Variants in DPP10 observed in about 807,000 individuals in gnomAD.
DPP10 encodes the protein dipeptidyl peptidase like 10.
A neutral mutation model predicts 120.9 loss-of-function variants in DPP10; 33 were observed. The observed-to-expected ratio is 0.27, with a 90% confidence interval of 0.21 to 0.37. The LOEUF (loss-of-function observed/expected upper bound fraction) is 0.37. Among genes scored for constraint, DPP10 ranks in the 10% least tolerant of loss-of-function variants. The pLI is 1.00. For synonymous variants in DPP10, 337 were observed against 326.1 expected (o/e 1.03, Z -0.36); for missense variants, 816 against 942.8 (o/e 0.87, Z 1.76).
In DPP10 at chr2:114,881,594, G is replaced by GTCTATCTA. The variant is rs1275608532; in HGVS notation, c.61-427642_61-427641insATCTATCT. On this transcript the variant is annotated intron_variant, in intron 1 of 25. Coordinates refer to ENST00000410059, the MANE Select transcript of DPP10 (RefSeq NM_020868.6). Reference sequence around the variant, plus strand: ...TATCTATCTATCTGTCTGTCTGTCTGTCTGTCTATCTATCTATCTATCTAT... The same window carrying GTCTATCTA: ...TATCTATCTATCTGTCTGTCTGTCTGTCTATCTATCTGTCTATCTATCTATCTATCTAT... Among the ~76,000 whole-genome samples, 427 of 96,314 alleles carry GTCTATCTA rather than the reference G, an allele frequency of 4.4e-3. 3 individuals carry two copies. The highest frequency in any genetic ancestry group is 4.7e-3 in the African/African-American group (151 of 31,928). 63.2% of individuals were successfully genotyped at this position (96,314 alleles called of 152,430 possible). A position where few individuals can be genotyped will look rare whatever the true frequency, so the allele number is the denominator to read the frequency against.
chr2:114,812,507 G>T (rs1268366942), intron 1 of DPP10, among the ~76,000 whole-genome samples: 1 of 151,606 alleles, frequency 6.6e-6, no homozygotes, highest in African/African-American at 2.4e-5. Context: ...AGGATCACTT[G>T]AGCCTAGGAG....
At chr2:114,880,876 G>T (rs1236253718) in intron 1 of DPP10, among the ~76,000 whole-genome samples, 1 of 152,222 alleles carries the variant, frequency 6.6e-6, no homozygotes, top group Non-Finnish European at 1.5e-5. Flanking sequence ...TATTGAAAAG[G>T]GTATGAAAGT....
intron 19 of DPP10, among the ~76,000 whole-genome samples, chr2:115,793,163 G>A (rs890279390): frequency 6.6e-6 from 1 of 152,126 alleles, no homozygotes. Flanking sequence ...ATTGGCAAGG[G>A]GCACTTGGGG....
intron 3 of DPP10, among the ~76,000 whole-genome samples, chr2:115,369,099 G>A (rs1025654432): frequency 6.6e-5 from 10 of 151,902 alleles, no homozygotes; most frequent in South Asian, 2.1e-4. Context: ...ATTGCATGCC[G>A]GATGCTAATC....
At chr2:115,603,570 G>GTTTTTTTTTTTTTTTTTTTTT (rs61548055) in intron 5 of DPP10, among the ~76,000 whole-genome samples, 1 of 99,286 alleles carries the variant, frequency 1.0e-5, no homozygotes. Context: ...GTTTTTTTTT[G>GTTTTTTTTTTTTTTTTTTTTT]TTTTTTTTTT....
At chr2:115,401,946 G>A (rs1454839950) in intron 3 of DPP10, among the ~76,000 whole-genome samples, 1 of 151,932 alleles carries the variant, frequency 6.6e-6, no homozygotes, top group Non-Finnish European at 1.5e-5. Flanking sequence ...AAATATTGAA[G>A]GAGTGACATC....
At chr2:114,541,570 A>T (rs187575121) in intron 1 of DPP10, among the ~76,000 whole-genome samples, 17 of 152,330 alleles carry the variant, frequency 1.1e-4, no homozygotes, top group Non-Finnish European at 2.1e-4. Flanking sequence ...TAATTGCAGA[A>T]GGCTAAGCTT....
intron 1 of DPP10, among the ~76,000 whole-genome samples, chr2:115,278,883 AGCTTTAGCTTTACCT>A (rs889735478): frequency 1.3e-5 from 2 of 152,130 alleles, no homozygotes; most frequent in African/African-American, 4.8e-5. Context: ...TGTTTTTTAA[AGCTTTAGCTTTACCT>A]GCCATATATA....
chr2:114,849,372 CAA>C (rs1688775554), intron 1 of DPP10, among the ~76,000 whole-genome samples: 1 of 152,020 alleles, frequency 6.6e-6, no homozygotes, highest in African/African-American at 2.4e-5. Flanking sequence ...TGTTTTGAAA[CAA>C]AGTCTCACTG....
At chr2:114,941,029 T>C (rs1574530721) in intron 1 of DPP10, among the ~76,000 whole-genome samples, 1 of 152,238 alleles carries the variant, frequency 6.6e-6, no homozygotes, top group African/African-American at 2.4e-5. Flanking sequence ...CCACACACTC[T>C]CAATGCTAAA....
intron 1 of DPP10, among the ~76,000 whole-genome samples, chr2:114,563,793 C>G (rs1274192456): frequency 1.3e-5 from 2 of 152,180 alleles, no homozygotes; most frequent in East Asian, 3.9e-4. Context: ...GAGCGTTAGC[C>G]TGTAGGAAAG....
intron 1 of DPP10, among the ~76,000 whole-genome samples, chr2:114,464,697 T>G (rs547655240): frequency 1.8e-4 from 28 of 152,152 alleles, no homozygotes; most frequent in Admixed American, 8.5e-4. Context: ...TAATTTCTGT[T>G]GCCCTAAATA....
At chr2:114,551,468 A>G (rs931215366) in intron 1 of DPP10, among the ~76,000 whole-genome samples, 5 of 152,260 alleles carry the variant, frequency 3.3e-5, no homozygotes, top group Admixed American at 3.3e-4. Context: ...TTGCAGAGCT[A>G]AAGTGAATTG....
chr2:115,569,182 C>T (rs1051964022), intron 5 of DPP10, among the ~76,000 whole-genome samples: 1 of 152,174 alleles, frequency 6.6e-6, no homozygotes, highest in Non-Finnish European at 1.5e-5. Flanking sequence ...GTAATTGATA[C>T]AACCAAATTT....
At chr2:114,958,582 G>T (rs751793947) in intron 1 of DPP10, among the ~76,000 whole-genome samples, 13 of 152,098 alleles carry the variant, frequency 8.5e-5, no homozygotes, top group Non-Finnish European at 1.3e-4. Context: ...ATGTTAATTA[G>T]CTTGATTTAA....
chr2:114,980,991 ATT>A (rs10670062), intron 1 of DPP10, among the ~76,000 whole-genome samples: 3 of 145,164 alleles, frequency 2.1e-5, no homozygotes, highest in African/African-American at 2.5e-5. Flanking sequence ...ATGTTGTGTC[ATT>A]TTTTTTTTTT....
At chr2:114,821,960 T>A (rs2106360069) in intron 1 of DPP10, among the ~76,000 whole-genome samples, 1 of 152,236 alleles carries the variant, frequency 6.6e-6, no homozygotes, top group African/African-American at 2.4e-5. Flanking sequence ...ATTTTCCAGG[T>A]ACATGGTGCA....
intron 3 of DPP10, among the ~76,000 whole-genome samples, chr2:115,464,075 G>A (rs907974772): frequency 6.6e-6 from 1 of 151,928 alleles, no homozygotes; most frequent in African/African-American, 2.4e-5. Flanking sequence ...GGCTTCAATT[G>A]TTATAGGGTC....
At chr2:115,670,487 A>T (rs1278982869) in intron 5 of DPP10, among the ~76,000 whole-genome samples, 2 of 152,026 alleles carry the variant, frequency 1.3e-5, no homozygotes, top group African/African-American at 4.8e-5. Context: ...TAAGCTTTTT[A>T]TCTTAGGTTC....
Sources: allele counts gnomAD v4.1 joint callset (sites outside exome capture counted in the v4.1 genomes callset), GRCh38; gene constraint gnomAD v4.1.1; transcripts MANE v1.5; gene names NCBI Gene and HGNC (gene_info 2026-07-23, HGNC 2026-07-21).